CCSER1: variants seen among roughly 807,000 people sequenced by gnomAD.
CCSER1 encodes the protein serine-rich coiled-coil domain-containing protein 1.
A neutral mutation model predicts 82.0 loss-of-function variants in CCSER1; 41 were observed. That is an observed-to-expected ratio of 0.50 (90% CI 0.39 to 0.65). The LOEUF (loss-of-function observed/expected upper bound fraction) is 0.65. CCSER1 is among the 30% of genes least tolerant of loss of function. The pLI, the probability that CCSER1 is intolerant of heterozygous loss-of-function variation, is 0.00. For synonymous variants in CCSER1, 414 were observed against 383.9 expected (o/e 1.08, Z -0.92); for missense variants, 1,119 against 1,064.2 (o/e 1.05, Z -0.72).
At chr4:91,225,388 A>AT (rs1738113732) in intron 10 of CCSER1, among the ~76,000 whole-genome samples, 4 of 141,142 alleles carry the variant, frequency 2.8e-5, no homozygotes, top group Non-Finnish European at 6.1e-5. Flanking sequence ...ATGATATAAT[A>AT]TATATATTCA....
chr4:90,987,948 T>G (rs1736704976), intron 9 of CCSER1, among the ~76,000 whole-genome samples: 1 of 151,788 alleles, frequency 6.6e-6, no homozygotes, highest in African/African-American at 2.4e-5. Context: ...GCCAATATTT[T>G]ATTAGAAATT....
intron 10 of CCSER1, among the ~76,000 whole-genome samples, chr4:91,546,271 T>C (rs1196422999): frequency 1.3e-5 from 2 of 152,106 alleles, no homozygotes; most frequent in African/African-American, 4.8e-5. Flanking sequence ...AATGCTGACC[T>C]TATATAGAGA....
intron 10 of CCSER1, among the ~76,000 whole-genome samples, chr4:91,269,886 TATC>T (rs1412307031): frequency 6.6e-6 from 1 of 152,156 alleles, no homozygotes; most frequent in Non-Finnish European, 1.5e-5. Context: ...GTCACACACT[TATC>T]TGCAATTCTG....
chr4:91,063,634 G>A (rs952421965), intron 9 of CCSER1, among the ~76,000 whole-genome samples: 1 of 151,992 alleles, frequency 6.6e-6, no homozygotes, highest in Non-Finnish European at 1.5e-5. Context: ...GTGAAGGTTG[G>A]TATACTTCTA....
rs988967571 is a variant in CCSER1 at position 91,011,533 on chromosome 4, A to T, written c.2173-74417A>T. ...CTCTCTGATGCAGAGTTGAATGTAG[A>T]TTCTTCACAGAGCCAAAGTCTCTGA... On this transcript the variant is annotated intron_variant, in intron 9 of 10. Coordinates refer to ENST00000509176, the MANE Select transcript of CCSER1 (RefSeq NM_001145065.2). 1.6e-4 allele frequency among the ~76,000 whole-genome samples: 21 copies of T among 133,898 alleles called. 2 individuals are homozygous for T. Among genetic ancestry groups the T allele is most frequent in the African/African-American group, 5.2e-4 (21 of 40,252 alleles). The allele number at this position is 133,898 out of a possible 152,430, so 87.8% of individuals were successfully genotyped here. A position where few individuals can be genotyped will look rare whatever the true frequency, so the allele number is the denominator to read the frequency against.
At chr4:91,073,915 A>T (rs954763663) in intron 9 of CCSER1, among the ~76,000 whole-genome samples, 3 of 152,048 alleles carry the variant, frequency 2.0e-5, no homozygotes, top group Non-Finnish European at 1.5e-5. Context: ...ATAATCATCA[A>T]TTTTTTACCA....
rs1491503513 is a variant in CCSER1 at position 90,932,977 on chromosome 4, A to AG, written c.2172+9531dup. On this transcript the variant is annotated intron_variant, in intron 9 of 10. Coordinates refer to ENST00000509176, the MANE Select transcript of CCSER1 (RefSeq NM_001145065.2). ...AAGAAAGAAAGAAAGAAAGAAAGAA[A>AG]GAAAGAGAAAGAAAGAAAGAAAGAA... 1.2e-4 allele frequency among the ~76,000 whole-genome samples: 5 copies of AG among 41,078 alleles called. 1 individual carries two copies. The highest frequency in any genetic ancestry group is 9.0e-4 in the African/African-American group (5 of 5,546). 26.9% of individuals were successfully genotyped at this position (41,078 alleles called of 152,430 possible).
intron 6 of CCSER1, among the ~76,000 whole-genome samples, chr4:90,697,001 G>A (rs1383859995): frequency 6.6e-6 from 1 of 151,780 alleles, no homozygotes; most frequent in Non-Finnish European, 1.5e-5. Context: ...GCAGGCATGA[G>A]AGGAAGGATG....
intron 10 of CCSER1, among the ~76,000 whole-genome samples, chr4:91,122,417 A>AT (rs904219075): frequency 1.7e-4 from 26 of 151,580 alleles, no homozygotes; most frequent in Admixed American, 1.2e-3. Context: ...GCAACTTGAC[A>AT]TTTTTTTTCT....
chr4:91,098,751 C>G (rs1227179971), intron 10 of CCSER1, among the ~76,000 whole-genome samples: 1 of 152,116 alleles, frequency 6.6e-6, no homozygotes, highest in African/African-American at 2.4e-5. Flanking sequence ...CCATGTTAGC[C>G]AGGGTGGTCT....
intron 4 of CCSER1, among the ~76,000 whole-genome samples, chr4:90,458,341 T>C (rs1211738190): frequency 2.0e-5 from 3 of 151,708 alleles, no homozygotes; most frequent in African/African-American, 7.3e-5. Context: ...CTTTAGAAAA[T>C]AGAGTCTGCC....
intron 1 of CCSER1, among the ~76,000 whole-genome samples, chr4:90,158,293 G>A (rs916424016): frequency 1.5e-4 from 23 of 152,158 alleles, no homozygotes; most frequent in Non-Finnish European, 7.3e-5. Context: ...CTACTGGGGG[G>A]TGCCTCCCAG....
intron 6 of CCSER1, among the ~76,000 whole-genome samples, chr4:90,709,944 CTG>C (rs1491396493): frequency 3.1e-4 from 29 of 93,558 alleles, no homozygotes; most frequent in African/African-American, 1.1e-3. Context: ...TTGCCAGCAT[CTG>C]TTTTTTTTTT....
intron 1 of CCSER1, among the ~76,000 whole-genome samples, chr4:90,148,224 C>A (rs544787406): frequency 1.9e-4 from 29 of 151,958 alleles, no homozygotes; most frequent in Non-Finnish European, 3.2e-4. Context: ...TTATAGGCAA[C>A]CTTTAGGAGT....
intron 8 of CCSER1, among the ~76,000 whole-genome samples, chr4:90,910,080 T>G (rs1450236362): frequency 6.6e-6 from 1 of 152,068 alleles, no homozygotes. Flanking sequence ...AGTAAGCACC[T>G]TCTTCACATG....
chr4:90,345,793 C>A (rs1742212191), intron 3 of CCSER1, among the ~76,000 whole-genome samples: 1 of 152,090 alleles, frequency 6.6e-6, no homozygotes, highest in Non-Finnish European at 1.5e-5. Context: ...TCTCTATCTT[C>A]TAAACCATAT....
At chr4:90,411,111 C>T (rs563535663) in intron 4 of CCSER1, among the ~76,000 whole-genome samples, 27 of 152,246 alleles carry the variant, frequency 1.8e-4, no homozygotes, top group East Asian at 1.5e-3. Context: ...ATAATAGGCT[C>T]TGAAATTGAG....
Position 91,185,224 on chromosome 4 carries a change from G to A in CCSER1, c.2217+99230G>A, listed in dbSNP as rs1288805980. Among the ~76,000 whole-genome samples, 6 of 152,322 alleles carry A rather than the reference G, an allele frequency of 3.9e-5. No individual in the cohort carries two copies. In the East Asian group the frequency reaches 5.8e-4, roughly 15 times the overall value. ...TTTGTGCTTCCAAATCCTCCTGTGT[G>A]TTTAATTTCACTTTTTCCCATTTCC... On this transcript the variant is annotated intron_variant, in intron 10 of 10. Transcript: ENST00000509176.
intron 10 of CCSER1, among the ~76,000 whole-genome samples, chr4:91,526,136 G>T (rs1301354384): frequency 6.6e-6 from 1 of 152,064 alleles, no homozygotes; most frequent in African/African-American, 2.4e-5. Context: ...ACCCTTTTAA[G>T]TCCCATAAGA....
Sources: allele counts gnomAD v4.1 joint callset (sites outside exome capture counted in the v4.1 genomes callset), GRCh38; gene constraint gnomAD v4.1.1; transcripts MANE v1.5; gene names NCBI Gene and HGNC (gene_info 2026-07-23, HGNC 2026-07-21).